CNTLN: variants seen among roughly 807,000 people sequenced by gnomAD.
CNTLN encodes the protein centlein, centrosomal protein.
In CNTLN, 212 loss-of-function variants were observed where a neutral mutation model predicts 180.0. The observed-to-expected ratio is 1.18, with a 90% CI of 1.05 to 1.32. The LOEUF is 1.32. Ranked by LOEUF, CNTLN falls within the 40% of genes most tolerant of loss-of-function variation. The probability of loss-of-function intolerance (pLI) is 0.00; values close to 1 mark genes in which losing one functional copy is unlikely to be tolerated. For missense variants in CNTLN, 2,095 were observed against 1,610.9 expected, an observed-to-expected ratio of 1.30 and a Z score of -5.14; for synonymous variants, 722 against 563.1, an observed-to-expected ratio of 1.28 and a Z score of -3.99.
chr9:17,271,595 G>T (rs925532311), intron 5 of CNTLN, among the ~76,000 whole-genome samples: 1 of 152,044 alleles, frequency 6.6e-6, no homozygotes, highest in African/African-American at 2.4e-5. Context: ...TTGGATTTCT[G>T]TTTTCAGCCT....
chr9:17,466,027 A>C lies in CNTLN; in HGVS notation c.3578A>C (p.Asp1193Ala), dbSNP rs1296653577. 3 of 1,605,648 alleles carry C rather than the reference A, an allele frequency of 1.9e-6. No individual in the cohort carries two copies. Among genetic ancestry groups the C allele is most frequent in the Non-Finnish European group, 2.6e-6 (3 of 1,174,066 alleles). Residue 1193 changes from aspartate to alanine, a missense_variant, in exon 22 of 26, where the codon GAT becomes GCT. Physicochemically the swap from Asp to Ala is moderately radical, Grantham distance 126 (BLOSUM62 -2). Coordinates refer to ENST00000380647, the MANE Select transcript of CNTLN (RefSeq NM_017738.4). The part of the protein sequence containing the change: ...EECSNKKVSI[D>A]SLKQRLNVAV... ...TGTTCCAACAAGAAGGTATCAATTG[A>C]TTCACTAAAGCAAAGACTTAACGTT...
chr9:17,442,278 A>T (rs752242306), intron 18 of CNTLN, among the ~76,000 whole-genome samples: 1 of 152,216 alleles, frequency 6.6e-6, no homozygotes, highest in African/African-American at 2.4e-5. Flanking sequence ...GGCCAAAAAC[A>T]TACCTTAAAT....
intron 6 of CNTLN, among the ~76,000 whole-genome samples, chr9:17,281,525 C>A (rs1312321752): frequency 6.6e-6 from 1 of 151,976 alleles, no homozygotes; most frequent in Non-Finnish European, 1.5e-5. Flanking sequence ...TCAGCTCCCA[C>A]TACGTGCAGT....
intron 2 of CNTLN, among the ~76,000 whole-genome samples, chr9:17,223,141 C>T (rs947993730): frequency 4.6e-5 from 7 of 151,942 alleles, no homozygotes; most frequent in Non-Finnish European, 1.0e-4. Flanking sequence ...TCATGTCCTA[C>T]GTGAGTTGGG....
At chr9:17,169,245 GC>G (rs1820277268) in intron 2 of CNTLN, among the ~76,000 whole-genome samples, 1 of 152,032 alleles carries the variant, frequency 6.6e-6, no homozygotes, top group African/African-American at 2.4e-5. Context: ...GCATCCTCTT[GC>G]CTCAGCCTTA....
chr9:17,388,125 C>A, intron 13 of CNTLN, 37 bp from the exon 14 acceptor site: 1 of 1,337,908 alleles, frequency 7.5e-7, no homozygotes, highest in Non-Finnish European at 1.1e-6. Flanking sequence ...TTCAGCAGTA[C>A]ACGTGGTATC....
At chr9:17,233,243 G>A (rs77145233) in intron 3 of CNTLN, among the ~76,000 whole-genome samples, 5,303 of 151,910 alleles carry the variant, frequency 0.035, 163 homozygotes, top group East Asian at 0.18. Flanking sequence ...AGTAAGTTTC[G>A]TATAAGTTAT....
At chr9:17,325,378 ATGTGTGTGTGTG>A (rs74311460) in intron 8 of CNTLN, among the ~76,000 whole-genome samples, 6 of 128,174 alleles carry the variant, frequency 4.7e-5, no homozygotes, top group South Asian at 3.0e-4. Flanking sequence ...ATGTGTATGT[ATGTGTGTGTGTG>A]TGTGTGTGTG....
intron 2 of CNTLN, among the ~76,000 whole-genome samples, chr9:17,163,103 T>C (rs943913802): frequency 5.9e-5 from 9 of 152,264 alleles, no homozygotes; most frequent in African/African-American, 2.2e-4. Flanking sequence ...CAAAAGAGCA[T>C]GTACAGTGGA....
chr9:17,428,891 T>G (rs1299611010), intron 18 of CNTLN, among the ~76,000 whole-genome samples: 1 of 151,954 alleles, frequency 6.6e-6, no homozygotes, highest in African/African-American at 2.4e-5. Flanking sequence ...CTTTAATCAT[T>G]GGATGACCTT....
At chr9:17,362,839 T>C (rs1823509944) in intron 12 of CNTLN, among the ~76,000 whole-genome samples, 1 of 152,156 alleles carries the variant, frequency 6.6e-6, no homozygotes, top group Non-Finnish European at 1.5e-5. Flanking sequence ...GCTGCACCCA[T>C]CAACCCATCA....
At chr9:17,155,260 A>G (rs1819191721) in intron 2 of CNTLN, among the ~76,000 whole-genome samples, 1 of 152,196 alleles carries the variant, frequency 6.6e-6, no homozygotes, top group South Asian at 2.1e-4. Context: ...AACCCACTAG[A>G]AGGAACCAAT....
At chr9:17,148,061 A>C (rs1465002935) in intron 2 of CNTLN, among the ~76,000 whole-genome samples, 1 of 152,188 alleles carries the variant, frequency 6.6e-6, no homozygotes, top group Admixed American at 6.5e-5. Flanking sequence ...ATTATGGAGA[A>C]ATTTTAATTA....
At chr9:17,172,806 G>A (rs147567155) in intron 2 of CNTLN, among the ~76,000 whole-genome samples, 2,892 of 152,198 alleles carry the variant, frequency 0.019, 58 homozygotes, top group African/African-American at 0.05. Flanking sequence ...TTATAAGTGT[G>A]TACACATTCC....
intron 8 of CNTLN, among the ~76,000 whole-genome samples, chr9:17,314,381 G>A (rs532513188): frequency 1.2e-4 from 19 of 152,300 alleles, no homozygotes; most frequent in African/African-American, 4.6e-4. Context: ...ACTCATGGAA[G>A]TGTTGAAATA....
chr9:17,456,437 C>A (rs1831118826), intron 18 of CNTLN, among the ~76,000 whole-genome samples: 2 of 151,948 alleles, frequency 1.3e-5, no homozygotes, highest in South Asian at 2.1e-4. Flanking sequence ...ATATCAAGTT[C>A]TAGTTTTGAG....
In CNTLN at chr9:17,397,664, C is replaced by T. The variant is rs186919175; in HGVS notation, c.2615+2595C>T. 1.6e-3 allele frequency among the ~76,000 whole-genome samples: 246 copies of T among 152,300 alleles called. 1 individual carries two copies. Among genetic ancestry groups the T allele is most frequent in the African/African-American group, 5.7e-3 (237 of 41,558 alleles). On this transcript the variant is annotated intron_variant, in intron 15 of 25. Coordinates refer to ENST00000380647, the MANE Select transcript of CNTLN (RefSeq NM_017738.4). ...ATTGCCTAACTTACTGGGAATGCCT[C>T]CCGGCAGATCTGAGCCCTATTTTAC...
the CNTLN span, among the ~76,000 whole-genome samples, chr9:17,517,530 A>T: frequency 2.0e-5 from 3 of 152,310 alleles, no homozygotes; most frequent in South Asian, 2.1e-4. Flanking sequence ...TAGTGTCCTT[A>T]GGAGGGGAGA....
rs375858097 is a variant in CNTLN at position 17,164,757 on chromosome 9, T to TAGG, written c.449+21382_449+21383insGGA. Among the ~76,000 whole-genome samples, 600 of 151,790 alleles carry TAGG rather than the reference T, an allele frequency of 4.0e-3. 2 individuals are homozygous for TAGG. The highest frequency in any genetic ancestry group is 0.014 in the African/African-American group (567 of 41,438). ...CCACTGTGCCCAGCCAAGAACTCCT[T>TAGG]ATTTTTATGTAAGACTTTAACCTCT... On this transcript the variant is annotated intron_variant, in intron 2 of 25. Coordinates refer to ENST00000380647, the MANE Select transcript of CNTLN (RefSeq NM_017738.4).
Sources: allele counts gnomAD v4.1 joint callset (sites outside exome capture counted in the v4.1 genomes callset), GRCh38; gene constraint gnomAD v4.1.1; transcripts MANE v1.5; gene names NCBI Gene and HGNC (gene_info 2026-07-23, HGNC 2026-07-21).